AFF3: variants seen among roughly 807,000 people sequenced by gnomAD.
AFF3 encodes the protein AF4/FMR2 family member 3.
In AFF3, 32 loss-of-function variants were observed where a neutral mutation model predicts 129.7. The observed-to-expected ratio is 0.25, with a 90% CI of 0.19 to 0.33. AFF3 has a LOEUF of 0.33. Ranked by LOEUF, AFF3 falls within the 10% of genes least tolerant of loss-of-function variation. The pLI, the probability that AFF3 is intolerant of heterozygous loss-of-function variation, is 1.00. For synonymous variants in AFF3, 644 were observed against 635.4 expected (o/e 1.01, Z -0.20); for missense variants, 1,373 against 1,592.0 (o/e 0.86, Z 2.34).
chr2:99,568,863 C>T lies in AFF3; in HGVS notation c.2971G>A (p.Ala991Thr). The change falls in exon 19 of 25, where the codon GCA becomes ACA. Residue 991 changes from alanine (A) to threonine (T), a missense_variant. Transcript: ENST00000672756. The stretch of plus-strand genomic sequence containing the variant: ...GAAAAGGGTCTCACCATTGCATCTG[C>T]TTTATGCTTCATTCGTTTAGCTTCT... ...MQEAKRMKHKADAMVEKFGKA... is the reference protein window; with the variant it reads ...MQEAKRMKHKTDAMVEKFGKA... 6.2e-7 allele frequency: 1 copy of T among 1,614,164 alleles called. No individual in the cohort carries two copies. The highest frequency in any genetic ancestry group is 8.5e-7 in the Non-Finnish European group (1 of 1,179,978).
At chr2:99,931,679 C>T (rs578049069) in intron 7 of AFF3, among the ~76,000 whole-genome samples, 1 of 152,304 alleles carries the variant, frequency 6.6e-6, no homozygotes, top group East Asian at 1.9e-4. Flanking sequence ...GAGGCTGAGG[C>T]GTGTGGATCA....
intron 15 of AFF3, among the ~76,000 whole-genome samples, chr2:99,589,173 C>T (rs1306452056): frequency 1.3e-5 from 2 of 152,080 alleles, no homozygotes; most frequent in Non-Finnish European, 2.9e-5. Flanking sequence ...GTTAGCCATC[C>T]ATCCCAGAGG....
chr2:100,078,112 C>T (rs112128236), intron 4 of AFF3, among the ~76,000 whole-genome samples: 270 of 152,314 alleles, frequency 1.8e-3, no homozygotes, highest in African/African-American at 6.2e-3. Context: ...AACTAGAAAG[C>T]AGCACAGACT....
At chr2:99,854,247 CAAA>C (rs59998550) in intron 7 of AFF3, among the ~76,000 whole-genome samples, 25 of 97,812 alleles carry the variant, frequency 2.6e-4, no homozygotes, top group Non-Finnish European at 1.7e-4. Context: ...CTATCTATAG[CAAA>C]AAAAAAAAAA....
At chr2:100,018,460 C>G (rs1238054682) in intron 4 of AFF3, among the ~76,000 whole-genome samples, 2 of 152,118 alleles carry the variant, frequency 1.3e-5, no homozygotes, top group Non-Finnish European at 2.9e-5. Flanking sequence ...TTTGCATTTC[C>G]AAGGGTTAAA....
intron 7 of AFF3, among the ~76,000 whole-genome samples, chr2:99,948,673 G>A (rs1447814901): frequency 6.6e-6 from 1 of 152,100 alleles, no homozygotes; most frequent in Non-Finnish European, 1.5e-5. Context: ...TCTCCAGACA[G>A]AGCCCGCAAG....
intron 7 of AFF3, among the ~76,000 whole-genome samples, chr2:99,989,985 T>A (rs1381946949): frequency 6.6e-6 from 1 of 152,194 alleles, no homozygotes; most frequent in Non-Finnish European, 1.5e-5. Flanking sequence ...TTGTGTTTCA[T>A]CAGAATATCA....
intron 4 of AFF3, among the ~76,000 whole-genome samples, chr2:100,038,643 G>A (rs1432206046): frequency 2.0e-5 from 3 of 151,874 alleles, no homozygotes; most frequent in Non-Finnish European, 4.4e-5. Flanking sequence ...CAAAAAGTCT[G>A]CCACATAACG....
intron 8 of AFF3, among the ~76,000 whole-genome samples, chr2:99,813,845 C>G (rs1366692962): frequency 6.6e-6 from 1 of 152,154 alleles, no homozygotes; most frequent in East Asian, 1.9e-4. Flanking sequence ...AACAGTTCAC[C>G]TGTTTATAAA....
chr2:99,649,602 G>C (rs999330887), intron 13 of AFF3, 24 bp downstream of exon 13: 2 of 1,611,530 alleles, frequency 1.2e-6, no homozygotes, highest in Admixed American at 1.7e-5. Context: ...GCAATTTATA[G>C]TTCATAAAAA....
chr2:99,875,648 C>T (rs1692236538), intron 7 of AFF3, among the ~76,000 whole-genome samples: 2 of 152,140 alleles, frequency 1.3e-5, no homozygotes, highest in Admixed American at 6.5e-5. Context: ...CCGGGCATGG[C>T]AAGTACTCAA....
chr2:99,574,553 AG>A (rs1197524558), intron 18 of AFF3, among the ~76,000 whole-genome samples: 1 of 152,120 alleles, frequency 6.6e-6, no homozygotes, highest in Admixed American at 6.5e-5. Context: ...AAAAAATTGC[AG>A]GCACTCTTCC....
rs2105140589 is a variant in AFF3 at position 99,744,115 on chromosome 2, T to C, written c.1028A>G (p.His343Arg). 1.9e-6 allele frequency: 3 copies of C among 1,607,126 alleles called. No individual in the cohort carries two copies. Among genetic ancestry groups the C allele is most frequent in the Non-Finnish European group, 2.5e-6 (3 of 1,176,806 alleles). The change falls in exon 10 of 25, where the codon CAC (histidine) becomes CGC (arginine). Residue 343 changes from histidine to arginine, a missense_variant. Transcript: ENST00000672756. ...GAAGTCTTTCTTACTTGGATTATTGTGTCCAGAGGATACAAGCTGAGAGTC... is the reference window on the plus strand; with the variant it reads ...GAAGTCTTTCTTACTTGGATTATTGCGTCCAGAGGATACAAGCTGAGAGTC... ...NKDSQLVSSG[H>R]NNPKKGDAEP...
chr2:100,073,584 C>T (rs1249921383), intron 4 of AFF3, among the ~76,000 whole-genome samples: 1 of 152,132 alleles, frequency 6.6e-6, no homozygotes, highest in Non-Finnish European at 1.5e-5. Context: ...CTCTGTCTAC[C>T]CTGAAATTCA....
intron 7 of AFF3, among the ~76,000 whole-genome samples, chr2:99,993,867 G>A (rs544853415): frequency 2.3e-5 from 3 of 127,928 alleles, no homozygotes; most frequent in East Asian, 4.9e-4. Flanking sequence ...GTGCAATGGT[G>A]TGATCTCGGC....
At chr2:99,597,809 G>A (rs1241581613) in intron 14 of AFF3, among the ~76,000 whole-genome samples, 1 of 152,226 alleles carries the variant, frequency 6.6e-6, no homozygotes, top group Non-Finnish European at 1.5e-5. Flanking sequence ...TGGTTTGTTT[G>A]CTGGCTCACT....
chr2:99,902,046 T>C (rs1419665080), intron 7 of AFF3, among the ~76,000 whole-genome samples: 1 of 151,338 alleles, frequency 6.6e-6, no homozygotes, highest in Non-Finnish European at 1.5e-5. Context: ...TTTCTCCTAC[T>C]TAGAGGCAGA....
chr2:99,607,634 C>A (rs1437076025), intron 13 of AFF3, among the ~76,000 whole-genome samples: 1 of 152,124 alleles, frequency 6.6e-6, no homozygotes, highest in African/African-American at 2.4e-5. Flanking sequence ...AATACATATC[C>A]AAAATTGTCC....
At chr2:99,632,139 C>T (rs902841344) in intron 13 of AFF3, among the ~76,000 whole-genome samples, 1 of 151,506 alleles carries the variant, frequency 6.6e-6, no homozygotes, top group East Asian at 2.0e-4. Context: ...CCTTAGCCTC[C>T]CGAGTAGCTG....
Sources: gnomAD v4.1 joint callset for allele counts (sites outside exome capture counted in the v4.1 genomes callset) on GRCh38, gnomAD v4.1.1 for gene constraint, MANE v1.5 for transcripts, NCBI Gene and HGNC (gene_info 2026-07-23, HGNC 2026-07-21) for gene names.